COL4A3: variants seen among roughly 807,000 people sequenced by gnomAD.
The protein encoded by COL4A3 is collagen alpha-3(IV) chain.
A neutral mutation model predicts 217.4 loss-of-function variants in COL4A3; 135 were observed. The observed-to-expected ratio is 0.62, with a 90% CI of 0.54 to 0.72. The LOEUF (loss-of-function observed/expected upper bound fraction) is 0.72, where lower values mean the gene tolerates loss of function less well. Among genes scored for constraint, COL4A3 ranks in the 30% least tolerant of loss-of-function variants. COL4A3 has a pLI of 0.00. For synonymous variants in COL4A3, 690 were observed against 736.3 expected (o/e 0.94, Z 1.02); for missense variants, 1,868 against 2,119.9 (o/e 0.88, Z 2.33).
intron 39 of COL4A3, 62 bp downstream of exon 39, chr2:227,294,632 T>C (rs1273331701): frequency 8.7e-6 from 11 of 1,262,468 alleles, no homozygotes; most frequent in South Asian, 2.4e-5. Flanking sequence ...CTCCTGAGGT[T>C]TGGATTTCTG....
intron 27 of COL4A3, 51 bp from the exon 28 acceptor site, chr2:227,277,398 G>T: frequency 9.1e-7 from 1 of 1,100,494 alleles, no homozygotes. Context: ...TTTAAAATAA[G>T]ATGAAGGAAA....
Position 227,297,722 on chromosome 2 carries a change from G to GA in COL4A3, c.3618dup (p.Gly1207ArgfsTer102). On this transcript the variant is annotated frameshift_variant, in exon 42 of 52. Coordinates refer to ENST00000396578, the MANE Select transcript of COL4A3 (RefSeq NM_000091.5). LOFTEE classifies it high-confidence loss of function. The stretch of plus-strand genomic sequence containing the variant: ...CCAGGTTTTCCTGGCCTCCCGGGCA[G>GA]AAAAGGGGCCATGGGAGATGCTGGA... The GA allele has an allele frequency of 6.2e-7, 1 of 1,608,630 alleles. No individual in the cohort carries two copies.
intron 42 of COL4A3, among the ~76,000 whole-genome samples, chr2:227,298,398 A>G (rs2073129234): frequency 6.6e-6 from 1 of 152,136 alleles, no homozygotes; most frequent in Non-Finnish European, 1.5e-5. Context: ...ATTCAACTCT[A>G]TTTGTTGAAT....
chr2:227,276,881 A>T (rs974858364), intron 27 of COL4A3, among the ~76,000 whole-genome samples: 1 of 152,256 alleles, frequency 6.6e-6, no homozygotes, highest in Non-Finnish European at 1.5e-5. Flanking sequence ...TTTTGCATGC[A>T]TGGAGGGAGA....
rs544090738 is a variant in COL4A3 at position 227,197,319 on chromosome 2, G to A, written c.87+32506G>A. ...GCAACCTCCACCTCCCTGGGTTTAA[G>A]CAATTCTCCTGCCTCAGCATCCTAA... On this transcript the variant is annotated intron_variant, in intron 1 of 51. Transcript: ENST00000396578. Among the ~76,000 whole-genome samples, 7 of 152,178 alleles carry A rather than the reference G, an allele frequency of 4.6e-5. No homozygotes were observed. In the South Asian group the frequency reaches 1.5e-3, roughly 32 times the overall value.
At chr2:227,248,038 C>T (rs2125915246) in intron 8 of COL4A3, among the ~76,000 whole-genome samples, 1 of 152,292 alleles carries the variant, frequency 6.6e-6, no homozygotes, top group South Asian at 2.1e-4. Flanking sequence ...CTCCTGGGCT[C>T]AAGCGTTTCT....
At chr2:227,190,817 G>A (rs1356492473) in intron 1 of COL4A3, among the ~76,000 whole-genome samples, 1 of 152,280 alleles carries the variant, frequency 6.6e-6, no homozygotes, top group South Asian at 2.1e-4. Context: ...TGATGTGGGA[G>A]GATCGCTTGA....
In COL4A3 at chr2:227,164,694, C is replaced by T. The variant is rs1221355958; in HGVS notation, c.-33C>T. 5.9e-6 allele frequency: 9 copies of T among 1,530,058 alleles called. No individual in the cohort carries two copies. The highest frequency in any genetic ancestry group is 1.4e-5 in the African/African-American group (1 of 72,372). 94.8% of individuals were successfully genotyped at this position (1,530,058 alleles called of 1,614,324 possible). A position where few individuals can be genotyped will look rare whatever the true frequency, so the allele number is the denominator to read the frequency against. On this transcript the variant is annotated 5_prime_UTR_variant, in exon 1 of 52. Transcript: ENST00000396578. The surrounding 1 kb of genome is among the most constrained non-coding windows in gnomAD (Gnocchi z 4.8). ...GGTGGCCTGAGAGCCTGAGGGTCCC[C>T]GGACTCGCCCAGGCTCTGAGCGCGC...
At chr2:227,174,614 C>T (rs1374994209) in intron 1 of COL4A3, among the ~76,000 whole-genome samples, 2 of 152,068 alleles carry the variant, frequency 1.3e-5, no homozygotes, top group African/African-American at 4.8e-5. Context: ...TCAAGTGATC[C>T]TCCTGCCTCA....
intron 1 of COL4A3, among the ~76,000 whole-genome samples, chr2:227,171,543 G>A (rs1400816325): frequency 6.6e-6 from 1 of 152,130 alleles, no homozygotes; most frequent in African/African-American, 2.4e-5. Context: ...AGCTGTTGGC[G>A]TCTGTCTTAG....
chr2:227,210,847 A>G (rs1378266312), intron 1 of COL4A3, among the ~76,000 whole-genome samples: 1 of 133,046 alleles, frequency 7.5e-6, no homozygotes, highest in Admixed American at 8.3e-5. Flanking sequence ...AAACAAAAAT[A>G]TATATACATA....
At chr2:227,248,141 T>C (rs1203208581) in intron 8 of COL4A3, among the ~76,000 whole-genome samples, 1 of 152,192 alleles carries the variant, frequency 6.6e-6, no homozygotes, top group Non-Finnish European at 1.5e-5. Flanking sequence ...GGTTTTGCCA[T>C]GTTGGCCAGG....
chr2:227,168,774 C>G (rs1577013143), intron 1 of COL4A3, among the ~76,000 whole-genome samples: 1 of 152,100 alleles, frequency 6.6e-6, no homozygotes, highest in East Asian at 1.9e-4. Context: ...ATCTCTTAAT[C>G]CTGTAATTAT....
intron 47 of COL4A3, among the ~76,000 whole-genome samples, chr2:227,306,565 C>T (rs770115702): frequency 2.6e-5 from 4 of 152,034 alleles, no homozygotes; most frequent in Non-Finnish European, 5.9e-5. Flanking sequence ...GACATCAGAC[C>T]GGAGAATTTG....
At chr2:227,209,129 C>A (rs1045467467) in intron 1 of COL4A3, among the ~76,000 whole-genome samples, 1 of 152,198 alleles carries the variant, frequency 6.6e-6, no homozygotes, top group African/African-American at 2.4e-5. Context: ...GCTCTGCCAA[C>A]CATGGTCATA....
chr2:227,276,574 G>T (rs764329202), intron 27 of COL4A3, 97 bp downstream of exon 27: 2 of 910,452 alleles, frequency 2.2e-6, no homozygotes, highest in Admixed American at 3.9e-5. Context: ...GGAAAAAAAT[G>T]TATTCATTGG....
At chr2:227,168,871 CTTCTTTTTT>C (rs2065371322) in intron 1 of COL4A3, among the ~76,000 whole-genome samples, 1 of 145,404 alleles carries the variant, frequency 6.9e-6, no homozygotes, top group Non-Finnish European at 1.5e-5. Context: ...ATATTCTTTC[CTTCTTTTTT>C]TTCTTTTTTT....
intron 26 of COL4A3, among the ~76,000 whole-genome samples, chr2:227,275,685 G>A (rs2106120324): frequency 6.6e-6 from 1 of 152,150 alleles, no homozygotes; most frequent in Admixed American, 6.5e-5. Flanking sequence ...CTGCTAGGTA[G>A]GCATTCTTTC....
At chr2:227,289,444 C>T (rs1262765853) in intron 35 of COL4A3, among the ~76,000 whole-genome samples, 196 bp downstream of exon 35, 1 of 152,162 alleles carries the variant, frequency 6.6e-6, no homozygotes, top group African/African-American at 2.4e-5. Flanking sequence ...CATTAACCTA[C>T]AAATAGTTCC....
Sources: allele counts gnomAD v4.1 joint callset (sites outside exome capture counted in the v4.1 genomes callset), GRCh38; gene constraint gnomAD v4.1.1; non-coding constraint Gnocchi (gnomAD v3.1); transcripts MANE v1.5; gene names NCBI Gene and HGNC (gene_info 2026-07-23, HGNC 2026-07-21).